The following ELMO1 variants were observed in gnomAD, a reference collection of about 807,000 sequenced individuals.
ELMO1 encodes engulfment and cell motility protein 1.
In ELMO1, 26 loss-of-function variants were observed where a neutral mutation model predicts 98.9. The ratio of observed to expected loss-of-function variants is 0.26; its 90% CI spans 0.19 to 0.36. The LOEUF is 0.36. Ranked by LOEUF, ELMO1 falls within the 10% of genes least tolerant of loss-of-function variation. The pLI, the probability that ELMO1 is intolerant of heterozygous loss-of-function variation, is 1.00. For missense variants in ELMO1, 627 were observed against 935.2 expected (o/e 0.67, Z 4.30); for synonymous variants, 346 against 346.0 (o/e 1.00, Z 0.00).
chr7:37,400,633 G>A (rs1056764084), intron 1 of ELMO1, among the ~76,000 whole-genome samples: 1 of 152,142 alleles, frequency 6.6e-6, no homozygotes, highest in African/African-American at 2.4e-5. Context: ...CGGTGGAAGA[G>A]AATACAGATC....
At chr7:37,306,257 T>C (rs1292583452) in intron 4 of ELMO1, among the ~76,000 whole-genome samples, 2 of 152,190 alleles carry the variant, frequency 1.3e-5, no homozygotes, top group Admixed American at 1.3e-4. Context: ...GAATTCCAGG[T>C]TAGTAAAGCT....
intron 16 of ELMO1, among the ~76,000 whole-genome samples, chr7:36,934,011 G>T (rs759543286): frequency 6.6e-6 from 1 of 152,200 alleles, no homozygotes; most frequent in African/African-American, 2.4e-5. Flanking sequence ...GCTGATACAG[G>T]CTCTCCCAGC....
In ELMO1 at chr7:37,133,238, T is replaced by A. The variant is rs1787045708; in HGVS notation, c.1087-4A>T. On this transcript the variant is annotated splice_region_variant and splice_polypyrimidine_tract_variant and intron_variant, in intron 13 of 21. Coordinates refer to ENST00000310758, the MANE Select transcript of ELMO1 (RefSeq NM_014800.11). Reference sequence around the variant, plus strand: ...CCATGGCAGGGTTGACATGATTCTGTGAGTAAAACAAAATCATGATAAGGT... The same window carrying A: ...CCATGGCAGGGTTGACATGATTCTGAGAGTAAAACAAAATCATGATAAGGT... 4 of 1,604,802 alleles carry A rather than the reference T, an allele frequency of 2.5e-6. No homozygotes were observed. Among genetic ancestry groups the A allele is most frequent in the Non-Finnish European group, 3.4e-6 (4 of 1,175,252 alleles).
intron 4 of ELMO1, among the ~76,000 whole-genome samples, 184 bp from the exon 5 acceptor site, chr7:37,272,066 A>C (rs1269767231): frequency 1.3e-5 from 2 of 152,230 alleles, no homozygotes; most frequent in Non-Finnish European, 2.9e-5. Context: ...AAGGAAGTGA[A>C]TACAAACCCA....
intron 14 of ELMO1, among the ~76,000 whole-genome samples, chr7:37,106,493 C>G (rs910271442): frequency 6.6e-6 from 1 of 152,122 alleles, no homozygotes; most frequent in Non-Finnish European, 1.5e-5. Flanking sequence ...ACACCAAGCC[C>G]GCTGATGCCT....
At chr7:37,177,925 C>T (rs774325420) in intron 13 of ELMO1, among the ~76,000 whole-genome samples, 5 of 152,104 alleles carry the variant, frequency 3.3e-5, no homozygotes, top group Non-Finnish European at 7.4e-5. Context: ...CAAATAAATG[C>T]CCCTCCCCCA....
At chr7:37,237,712 T>G (rs1794554959) in intron 7 of ELMO1, among the ~76,000 whole-genome samples, 1 of 152,274 alleles carries the variant, frequency 6.6e-6, no homozygotes, top group Non-Finnish European at 1.5e-5. Context: ...CTTTGAGTTT[T>G]TCCATCTGTT....
chr7:37,339,370 T>C (rs904876542), intron 2 of ELMO1, among the ~76,000 whole-genome samples: 4 of 152,156 alleles, frequency 2.6e-5, no homozygotes, highest in African/African-American at 9.7e-5. Context: ...GACAATACAA[T>C]GTGATAAGTG....
At chr7:37,016,365 T>C (rs1197427053) in intron 15 of ELMO1, among the ~76,000 whole-genome samples, 2 of 152,222 alleles carry the variant, frequency 1.3e-5, no homozygotes, top group South Asian at 2.1e-4. Flanking sequence ...TCATTTTATA[T>C]ATGAGAAAGG....
intron 15 of ELMO1, among the ~76,000 whole-genome samples, chr7:37,019,560 C>T (rs1274943297): frequency 6.6e-6 from 1 of 152,020 alleles, no homozygotes; most frequent in Non-Finnish European, 1.5e-5. Context: ...GCAGAGATAG[C>T]CTAAGTCTAA....
At chr7:37,356,269 G>C in intron 1 of ELMO1, among the ~76,000 whole-genome samples, 1 of 152,208 alleles carries the variant, frequency 6.6e-6, no homozygotes, top group East Asian at 1.9e-4. Context: ...ACATACACGT[G>C]CATGTGTCTT....
chr7:36,942,563 C>T (rs376213653), intron 16 of ELMO1, among the ~76,000 whole-genome samples: 5 of 152,148 alleles, frequency 3.3e-5, no homozygotes, highest in East Asian at 1.9e-4. Context: ...ATGAAGAGGA[C>T]GTTTTCTTTG....
intron 1 of ELMO1, among the ~76,000 whole-genome samples, chr7:37,426,038 C>T (rs753642757): frequency 9.9e-5 from 15 of 151,832 alleles, no homozygotes; most frequent in Middle Eastern, 6.8e-3. Context: ...CAGAGGTGTG[C>T]TCCTTCCTTC....
chr7:37,038,535 C>CT (rs1466828945), intron 15 of ELMO1, among the ~76,000 whole-genome samples: 1 of 152,118 alleles, frequency 6.6e-6, no homozygotes, highest in Non-Finnish European at 1.5e-5. Flanking sequence ...AAAGTCATTG[C>CT]TTTTTTTGAA....
intron 15 of ELMO1, among the ~76,000 whole-genome samples, chr7:37,043,656 T>C (rs1435899475): frequency 2.0e-5 from 3 of 152,208 alleles, no homozygotes; most frequent in Non-Finnish European, 4.4e-5. Context: ...CCAGACGAAT[T>C]AAATCAGAAA....
intron 1 of ELMO1, chr7:37,375,959 G>A: frequency 1.7e-6 from 1 of 604,790 alleles, no homozygotes; most frequent in Non-Finnish European, 3.0e-6. Context: ...GCTGGGGCTG[G>A]GTCAGCAACT....
chr7:37,315,229 A>T (rs578163893), intron 3 of ELMO1, among the ~76,000 whole-genome samples: 1 of 152,332 alleles, frequency 6.6e-6, no homozygotes, highest in East Asian at 1.9e-4. Context: ...ATTTTAAGGG[A>T]TTGAAGCAAA....
At chr7:37,395,940 G>C (rs373504199) in intron 1 of ELMO1, among the ~76,000 whole-genome samples, 31 of 151,584 alleles carry the variant, frequency 2.0e-4, no homozygotes, top group African/African-American at 7.2e-4. Context: ...GTTTTTTGTA[G>C]GCAGTCTCAG....
At chr7:37,094,674 C>A (rs1034458481) in intron 15 of ELMO1, among the ~76,000 whole-genome samples, 1 of 152,190 alleles carries the variant, frequency 6.6e-6, no homozygotes. Flanking sequence ...CTATTCCCCC[C>A]AGGTTGAATA....
Sources: allele counts gnomAD v4.1 joint callset (sites outside exome capture counted in the v4.1 genomes callset), GRCh38; gene constraint gnomAD v4.1.1; transcripts MANE v1.5; gene names NCBI Gene and HGNC (gene_info 2026-07-23, HGNC 2026-07-21).